TCF3: variants seen among roughly 807,000 people sequenced by gnomAD.
The protein encoded by TCF3 is transcription factor E2-alpha.
A neutral mutation model predicts 72.3 loss-of-function variants in TCF3; 54 were observed. That is an observed-to-expected ratio of 0.75 (90% confidence interval 0.60 to 0.94). TCF3 has a LOEUF of 0.94. TCF3 is among the 40% of genes least tolerant of loss of function. The pLI is 0.00. For synonymous variants in TCF3, 525 were observed against 412.6 expected (o/e 1.27, Z -3.30); for missense variants, 1,078 against 934.4 (o/e 1.15, Z -2.00).
At chr19:1,618,985 C>T (rs1463080460) in intron 16 of TCF3, 126 bp downstream of exon 16, 1 of 1,493,762 alleles carries the variant, frequency 6.7e-7, no homozygotes, top group East Asian at 2.3e-5. Context: ...GACTGGGGCG[C>T]CCATGTCACC....
intron 18 of TCF3, among the ~76,000 whole-genome samples, chr19:1,613,549 G>T (rs774771406): frequency 1.3e-5 from 2 of 152,100 alleles, no homozygotes; most frequent in Admixed American, 6.5e-5. Flanking sequence ...AGCCACTTGC[G>T]GGGTGATGGA....
At chr19:1,617,683 C>A (rs1379013978) in intron 16 of TCF3, among the ~76,000 whole-genome samples, 1 of 152,218 alleles carries the variant, frequency 6.6e-6, no homozygotes, top group Non-Finnish European at 1.5e-5. Context: ...CAGGCCTCAG[C>A]ACACGAAGTG....
intron 2 of TCF3, 71 bp downstream of exon 2, chr19:1,650,106 T>A: frequency 7.1e-7 from 1 of 1,399,186 alleles, no homozygotes; most frequent in South Asian, 1.3e-5. Flanking sequence ...GCAAACACTC[T>A]CCCCTGAAAA....
At position 1,644,206 on chromosome 19, in the gene TCF3, C is replaced by T. The variant is rs186183188; in HGVS notation, c.145+2149G>A. 7.9e-5 allele frequency among the ~76,000 whole-genome samples: 12 copies of T among 152,332 alleles called. No individual in the cohort carries two copies. The East Asian group carries it at 1.2e-3, about 15-fold the overall frequency. The stretch of plus-strand genomic sequence containing the variant: ...GCACCCATCGACTCGCTGAACCTGA[C>T]GATGGAAGAGAGCAGGTGCCCATCT... On this transcript the variant is annotated intron_variant, in intron 3 of 18. Coordinates refer to ENST00000262965, the MANE Select transcript of TCF3 (RefSeq NM_003200.5).
At chr19:1,647,384 A>T (rs1005025568) in intron 2 of TCF3, among the ~76,000 whole-genome samples, 1 of 152,210 alleles carries the variant, frequency 6.6e-6, no homozygotes, top group African/African-American at 2.4e-5. Flanking sequence ...AGCAGCCAAG[A>T]TCCCCAACAC....
rs1460104163 is a variant in TCF3, at chr19:1,615,880, CT to C, written c.1451-60del. ...GCCTCCAGGGCCAACTGACATATCT[CT>C]TTGTGCTCCTGTGGTGAGGGACTTG... On this transcript the variant is annotated intron_variant, in intron 16 of 18. Coordinates refer to ENST00000262965, the MANE Select transcript of TCF3 (RefSeq NM_003200.5). The surrounding 1 kb of genome is among the most constrained non-coding windows in gnomAD (Gnocchi z 7.3). The C allele has an allele frequency of 6.7e-7, 1 of 1,491,856 alleles. No homozygotes were observed. Among genetic ancestry groups the C allele is most frequent in the Non-Finnish European group, 8.9e-7 (1 of 1,123,174 alleles). The allele number at this position is 1,491,856 out of a possible 1,614,324, so 92.4% of individuals were successfully genotyped here.
intron 3 of TCF3, among the ~76,000 whole-genome samples, chr19:1,641,055 C>G (rs984337852): frequency 6.7e-6 from 1 of 149,892 alleles, no homozygotes; most frequent in Non-Finnish European, 1.5e-5. Context: ...GAGGCTGAAG[C>G]AGGAGAATCG....
chr19:1,622,633 A>C (rs2062388224), intron 8 of TCF3, among the ~76,000 whole-genome samples: 2 of 149,834 alleles, frequency 1.3e-5, no homozygotes, highest in Non-Finnish European at 3.0e-5. Flanking sequence ...TCCAGCCCCC[A>C]CCTCCCGCCT....
rs2146084012 is a variant in TCF3, at chr19:1,621,061, A to G, written c.1015-15T>C. 1 of 1,527,292 alleles carries G rather than the reference A, an allele frequency of 6.5e-7. No individual in the cohort carries two copies. 94.6% of individuals were successfully genotyped at this position (1,527,292 alleles called of 1,614,324 possible). ...GGGGAGTAGATCTGCGAGGAGGACC[A>G]GGAGAGATGGGCGGTCAGGGGCCGG... On this transcript the variant is annotated splice_polypyrimidine_tract_variant and intron_variant, in intron 12 of 18. Coordinates refer to ENST00000262965, the MANE Select transcript of TCF3 (RefSeq NM_003200.5).
At chr19:1,619,675 G>T in intron 14 of TCF3, 105 bp downstream of exon 14, 1 of 1,300,420 alleles carries the variant, frequency 7.7e-7, no homozygotes. Context: ...TAACAGCTTG[G>T]GGCTTATTTA....
chr19:1,609,473 C>A lies in TCF3; in HGVS notation c.*2234G>T, dbSNP rs867946804. Reference sequence around the variant, plus strand: ...CCATCTTGAGGCACTCAGATCACACCCCCCACCCCCCATAATTGTGGTTCC... The same window carrying A: ...CCATCTTGAGGCACTCAGATCACACACCCCACCCCCCATAATTGTGGTTCC... On this transcript the variant is annotated 3_prime_UTR_variant, in exon 19 of 19. Transcript: ENST00000262965. 9 of 216,390 alleles carry A rather than the reference C, an allele frequency of 4.2e-5. No homozygotes were observed. In the South Asian group the frequency reaches 5.6e-4, roughly 13 times the overall value. 13.4% of individuals were successfully genotyped at this position (216,390 alleles called of 1,614,324 possible).
At chr19:1,647,726 T>C (rs1405389995) in intron 2 of TCF3, among the ~76,000 whole-genome samples, 1 of 152,192 alleles carries the variant, frequency 6.6e-6, no homozygotes, top group African/African-American at 2.4e-5. Flanking sequence ...CTATCTGCTT[T>C]GTCCCCTAGG....
chr19:1,624,988 G>A (rs542575283), intron 7 of TCF3, among the ~76,000 whole-genome samples: 15 of 152,318 alleles, frequency 9.8e-5, no homozygotes, highest in African/African-American at 3.6e-4. Flanking sequence ...TGGGACCACA[G>A]GTGTGTGCCA....
intron 3 of TCF3, among the ~76,000 whole-genome samples, chr19:1,634,940 T>C (rs949598118): frequency 2.0e-5 from 3 of 152,240 alleles, no homozygotes; most frequent in Admixed American, 6.5e-5. Flanking sequence ...TATTCACTCC[T>C]TGGTCCTTTC....
chr19:1,650,168 C>G lies in TCF3; in HGVS notation c.72+9G>C. 1 of 1,564,334 alleles carries G rather than the reference C, an allele frequency of 6.4e-7. No individual in the cohort carries two copies. Among genetic ancestry groups the G allele is most frequent in the East Asian group, 2.3e-5 (1 of 43,174 alleles). ...GGGTGTCGGGGGCTGGGCGGGGGTCCTGGCTCACCATGCTGAAGTCCAGGA... is the reference window on the plus strand; with the variant it reads ...GGGTGTCGGGGGCTGGGCGGGGGTCGTGGCTCACCATGCTGAAGTCCAGGA... On this transcript the variant is annotated intron_variant, in intron 2 of 18. Transcript: ENST00000262965.
In TCF3 at chr19:1,615,803, G is replaced by A. The variant is rs113960238; in HGVS notation, c.1469C>T (p.Ala490Val). 3.2e-6 allele frequency: 5 copies of A among 1,569,782 alleles called. No homozygotes were observed. The African/African-American group carries it at 6.7e-5, about 21-fold the overall frequency. ...DSYSGLGRAG[A>V]TAAASEIKRE... is the part of the protein sequence containing the mutation. Reference sequence around the variant, plus strand: ...CTTGATCTCGCTGGCGGCCGCCGTGGCACCTGCTCGCCCTAGCCCTGCAAC... The same window carrying A: ...CTTGATCTCGCTGGCGGCCGCCGTGACACCTGCTCGCCCTAGCCCTGCAAC... The change falls in exon 17 of 19, where the codon GCC (alanine) becomes GTC (valine). Residue 490 changes from alanine (A) to valine (V), a missense_variant. By Grantham distance (64) the Ala-to-Val change is moderately conservative. Coordinates refer to ENST00000262965, the MANE Select transcript of TCF3 (RefSeq NM_003200.5). The surrounding 1 kb of genome is among the most constrained non-coding windows in gnomAD (Gnocchi z 7.3).
At chr19:1,633,424 G>C (rs571114509) in intron 3 of TCF3, among the ~76,000 whole-genome samples, 70 of 152,176 alleles carry the variant, frequency 4.6e-4, no homozygotes, top group African/African-American at 1.6e-3. Context: ...GTCTGTGACC[G>C]GCACCACCTC....
intron 14 of TCF3, 106 bp downstream of exon 14, chr19:1,619,674 G>A (rs1226252738): frequency 2.3e-6 from 3 of 1,299,168 alleles, no homozygotes; most frequent in Admixed American, 2.1e-5. Context: ...ATAACAGCTT[G>A]GGGCTTATTT....
At chr19:1,645,481 G>A (rs758156239) in intron 3 of TCF3, among the ~76,000 whole-genome samples, 34 of 152,124 alleles carry the variant, frequency 2.2e-4, no homozygotes, top group Non-Finnish European at 3.8e-4. Flanking sequence ...CCCCTAGCCC[G>A]CCCCGCCGGC....
Sources: allele counts gnomAD v4.1 joint callset (sites outside exome capture counted in the v4.1 genomes callset), GRCh38; gene constraint gnomAD v4.1.1; non-coding constraint Gnocchi (gnomAD v3.1); transcripts MANE v1.5; gene names NCBI Gene and HGNC (gene_info 2026-07-23, HGNC 2026-07-21).